The following KCNN3 variants were observed in gnomAD, a reference collection of about 807,000 sequenced individuals.
The protein encoded by KCNN3 is potassium calcium-activated channel subfamily N member 3.
Under a neutral mutation model 62.9 loss-of-function variants are expected in KCNN3, and 16 were observed. The ratio of observed to expected loss-of-function variants is 0.25; its 90% CI spans 0.17 to 0.39. The LOEUF is 0.39. Ranked by LOEUF, KCNN3 falls within the 10% of genes least tolerant of loss-of-function variation. The pLI is 1.00. For synonymous variants in KCNN3, 370 were observed against 389.2 expected, an observed-to-expected ratio of 0.95 and a Z score of 0.58; for missense variants, 599 against 949.4, an observed-to-expected ratio of 0.63 and a Z score of 4.85.
Position 154,848,292 on chromosome 1 carries a change from G to C in KCNN3, c.933+20740C>G, listed in dbSNP as rs61104084. Among the ~76,000 whole-genome samples the C allele has an allele frequency of 9.4e-3, 1,431 of 152,244 alleles. 20 individuals are homozygous for C. Among genetic ancestry groups the C allele is most frequent in the African/African-American group, 0.034 (1,393 of 41,526 alleles). On this transcript the variant is annotated intron_variant, in intron 1 of 7. Transcript: ENST00000271915. ...ACACACAACTCAGATACCCAGGATG[G>C]AGAAAGGTGAAGCCTGACAAGCTGC...
At chr1:154,759,261 C>T (rs1227564068) in intron 3 of KCNN3, among the ~76,000 whole-genome samples, 2 of 152,214 alleles carry the variant, frequency 1.3e-5, no homozygotes, top group Non-Finnish European at 2.9e-5. Flanking sequence ...TGAGAGCCAG[C>T]CTAGGACACC....
intron 3 of KCNN3, among the ~76,000 whole-genome samples, chr1:154,740,416 G>A (rs985577264): frequency 6.6e-6 from 1 of 152,132 alleles, no homozygotes; most frequent in African/African-American, 2.4e-5. Flanking sequence ...CTGAAATGTT[G>A]GGATTACAGG....
In KCNN3 at chr1:154,746,476, G is replaced by A. The variant is rs191359829; in HGVS notation, c.1449-13332C>T. ...ATAAGCAGAACCCCGTGAACTCACA[G>A]GCACAGCTGGCCTGCACTGTTACTC... On this transcript the variant is annotated intron_variant, in intron 3 of 7. Transcript: ENST00000271915. Among the ~76,000 whole-genome samples the A allele has an allele frequency of 2.0e-3, 299 of 152,282 alleles. 1 individual carries two copies. The highest frequency in any genetic ancestry group is 3.0e-3 in the Admixed American group (46 of 15,304).
intron 3 of KCNN3, among the ~76,000 whole-genome samples, chr1:154,742,680 A>C (rs1441913683): frequency 6.6e-6 from 1 of 152,252 alleles, no homozygotes; most frequent in Non-Finnish European, 1.5e-5. Flanking sequence ...AGATCACTCC[A>C]CGGACTCAGG....
chr1:154,721,802 GA>G (rs1700356444), intron 5 of KCNN3, among the ~76,000 whole-genome samples: 1 of 151,648 alleles, frequency 6.6e-6, no homozygotes, highest in Non-Finnish European at 1.5e-5. Context: ...TGGCAGAAAA[GA>G]TGGGGCTCTA....
intron 1 of KCNN3, among the ~76,000 whole-genome samples, chr1:154,860,074 C>A (rs1652702669): frequency 6.6e-6 from 1 of 152,238 alleles, no homozygotes; most frequent in South Asian, 2.1e-4. Flanking sequence ...CTCCCCTGCC[C>A]AGCTGCTCTT....
At chr1:154,765,051 C>T (rs1382357688) in intron 3 of KCNN3, among the ~76,000 whole-genome samples, 1 of 152,152 alleles carries the variant, frequency 6.6e-6, no homozygotes, top group Non-Finnish European at 1.5e-5. Context: ...AGAGTCAGCT[C>T]TGGGATGCCT....
In KCNN3 at chr1:154,835,229, G is replaced by C. The variant is rs192843742; in HGVS notation, c.934-13045C>G. 3.9e-3 allele frequency among the ~76,000 whole-genome samples: 589 copies of C among 152,300 alleles called. 5 individuals are homozygous for C. The highest frequency in any genetic ancestry group is 0.013 in the African/African-American group (545 of 41,560). The stretch of plus-strand genomic sequence containing the variant: ...CTATGCAGAGGGTGGCGATACATTC[G>C]GGTTTACCCAGGAGAGTCCAGTGTA... On this transcript the variant is annotated intron_variant, in intron 1 of 7. Coordinates refer to ENST00000271915, the MANE Select transcript of KCNN3 (RefSeq NM_002249.6).
At chr1:154,760,689 C>A (rs975425170) in intron 3 of KCNN3, among the ~76,000 whole-genome samples, 1 of 152,220 alleles carries the variant, frequency 6.6e-6, no homozygotes, top group Non-Finnish European at 1.5e-5. Context: ...CGCGGCCTCT[C>A]CCCACCGGAC....
At chr1:154,717,699 A>G (rs1276015752) in intron 5 of KCNN3, among the ~76,000 whole-genome samples, 1 of 152,138 alleles carries the variant, frequency 6.6e-6, no homozygotes, top group African/African-American at 2.4e-5. Context: ...CATCATCTTT[A>G]TGAGTTTGGA....
chr1:154,711,121 A>G (rs1269603650), intron 7 of KCNN3, among the ~76,000 whole-genome samples: 19 of 152,224 alleles, frequency 1.2e-4, no homozygotes, highest in African/African-American at 4.6e-4. Context: ...AGACTGGATT[A>G]AGAAAATGTG....
At position 154,766,416 on chromosome 1, in the gene KCNN3, T is replaced by TTATATATATATATATA. The variant is rs373253800; in HGVS notation, c.1448+5543_1448+5558dup. ...CCATTTATTAAATACTAGCCAGGCT[T>TTATATATATATATATA]TATATATATATATATATATATATAT... On this transcript the variant is annotated intron_variant, in intron 3 of 7. Coordinates refer to ENST00000271915, the MANE Select transcript of KCNN3 (RefSeq NM_002249.6). 5.6e-3 allele frequency among the ~76,000 whole-genome samples: 399 copies of TTATATATATATATATA among 71,752 alleles called. 28 individuals are homozygous for TTATATATATATATATA. Among genetic ancestry groups the TTATATATATATATATA allele is most frequent in the African/African-American group, 0.014 (275 of 19,702 alleles). The allele number at this position is 71,752 out of a possible 152,430, so 47.1% of individuals were successfully genotyped here.
chr1:154,777,608 C>T (rs1280514629), intron 2 of KCNN3, among the ~76,000 whole-genome samples: 1 of 152,206 alleles, frequency 6.6e-6, no homozygotes, highest in Non-Finnish European at 1.5e-5. Flanking sequence ...TAGAGCAAGT[C>T]TGGAACCAGG....
At chr1:154,769,709 C>A (rs948442642) in intron 3 of KCNN3, among the ~76,000 whole-genome samples, 5 of 152,150 alleles carry the variant, frequency 3.3e-5, no homozygotes, top group African/African-American at 1.2e-4. Flanking sequence ...CTTCAAATAG[C>A]TTAAAGGGCT....
At position 154,703,128 on chromosome 1, in the gene KCNN3, G is replaced by A. The variant is rs1699893113; in HGVS notation, c.*4848C>T. On this transcript the variant is annotated 3_prime_UTR_variant, in exon 8 of 8. Transcript: ENST00000271915. Reference sequence around the variant, plus strand: ...CACTGAGTACTTTTTAATAAGCTGTGGTCTGTTTCAATAAAAATCTACATA... The same window carrying A: ...CACTGAGTACTTTTTAATAAGCTGTAGTCTGTTTCAATAAAAATCTACATA... 6.6e-6 allele frequency: 1 copy of A among 151,902 alleles called. No homozygotes were observed. The highest frequency in any genetic ancestry group is 1.5e-5 in the Non-Finnish European group (1 of 67,980). The allele number at this position is 151,902 out of a possible 1,614,324, so 9.4% of individuals were successfully genotyped here.
intron 4 of KCNN3, among the ~76,000 whole-genome samples, chr1:154,726,537 G>T (rs1700469273): frequency 6.6e-6 from 1 of 152,168 alleles, no homozygotes; most frequent in African/African-American, 2.4e-5. Context: ...GAAAATAATC[G>T]AATGAAGAGG....
intron 2 of KCNN3, among the ~76,000 whole-genome samples, chr1:154,794,460 G>T (rs769528932): frequency 1.3e-5 from 2 of 152,250 alleles, no homozygotes; most frequent in Non-Finnish European, 2.9e-5. Context: ...GCCCTCTGCT[G>T]CAAGATCAGT....
At chr1:154,804,861 C>G (rs796416126) in intron 2 of KCNN3, among the ~76,000 whole-genome samples, 10 of 152,286 alleles carry the variant, frequency 6.6e-5, no homozygotes, top group African/African-American at 2.4e-4. Flanking sequence ...CGGCTTTGCA[C>G]CCAGGCAGTC....
At chr1:154,814,696 G>GT (rs2101887726) in intron 2 of KCNN3, among the ~76,000 whole-genome samples, 1 of 152,372 alleles carries the variant, frequency 6.6e-6, no homozygotes, top group Non-Finnish European at 1.5e-5. Context: ...GCTTGCTAAT[G>GT]TATCAGCTCT....
Sources: allele counts gnomAD v4.1 joint callset (sites outside exome capture counted in the v4.1 genomes callset), GRCh38; gene constraint gnomAD v4.1.1; transcripts MANE v1.5; gene names NCBI Gene and HGNC (gene_info 2026-07-23, HGNC 2026-07-21).